ENOX1: variants seen among roughly 807,000 people sequenced by gnomAD.
ENOX1 encodes ecto-NOX disulfide-thiol exchanger 1, also known as candidate growth-related and time keeping constitutive hydroquinone (NADH) oxidase.
Under a neutral mutation model 82.5 loss-of-function variants are expected in ENOX1, and 42 were observed. The ratio of observed to expected loss-of-function variants is 0.51; its 90% confidence interval spans 0.40 to 0.66. The LOEUF (loss-of-function observed/expected upper bound fraction) is 0.66. ENOX1 is among the 30% of genes least tolerant of loss of function. ENOX1 has a pLI of 0.00. For missense variants in ENOX1, 608 were observed against 811.6 expected (o/e 0.75, Z 3.05); for synonymous variants, 271 against 282.2 (o/e 0.96, Z 0.40).
At chr13:43,734,939 T>C (rs935752522) in intron 1 of ENOX1, among the ~76,000 whole-genome samples, 1 of 152,198 alleles carries the variant, frequency 6.6e-6, no homozygotes, top group African/African-American at 2.4e-5. Context: ...ATGCTCAAGA[T>C]ACATCTTTGA....
intron 1 of ENOX1, among the ~76,000 whole-genome samples, chr13:43,775,520 TGGTGATC>T (rs941583740): frequency 4.6e-5 from 7 of 152,164 alleles, no homozygotes; most frequent in Non-Finnish European, 8.8e-5. Flanking sequence ...GTAGACCTGG[TGGTGATC>T]TGCATGGCTA....
At chr13:43,456,851 A>G (rs1002401369) in intron 3 of ENOX1, among the ~76,000 whole-genome samples, 1 of 152,070 alleles carries the variant, frequency 6.6e-6, no homozygotes, top group Non-Finnish European at 1.5e-5. Context: ...TTCCAGTCTC[A>G]TGACTCCTAA....
intron 14 of ENOX1, among the ~76,000 whole-genome samples, chr13:43,243,928 G>A (rs1378976019): frequency 6.6e-6 from 1 of 151,860 alleles, no homozygotes; most frequent in Admixed American, 6.6e-5. Context: ...ATCTCCCAGA[G>A]GCATCTGTTT....
intron 3 of ENOX1, among the ~76,000 whole-genome samples, chr13:43,415,882 A>T (rs78230349): frequency 4.0e-5 from 4 of 100,682 alleles, no homozygotes; most frequent in Non-Finnish European, 8.3e-5. Flanking sequence ...CCGGGCAGAG[A>T]TGCTCCCCAC....
At chr13:43,372,223 T>C (rs768763492) in intron 5 of ENOX1, among the ~76,000 whole-genome samples, 9 of 152,174 alleles carry the variant, frequency 5.9e-5, no homozygotes, top group Non-Finnish European at 8.8e-5. Context: ...GCCATGAGGG[T>C]TCTTGTTAGT....
intron 12 of ENOX1, among the ~76,000 whole-genome samples, chr13:43,277,954 C>T (rs112959929): frequency 2.0e-5 from 3 of 152,070 alleles, no homozygotes; most frequent in African/African-American, 7.2e-5. Flanking sequence ...CAGCAAGTGG[C>T]GGGGCACCAA....
intron 12 of ENOX1, among the ~76,000 whole-genome samples, chr13:43,276,063 C>G (rs1219002963): frequency 6.6e-6 from 1 of 152,134 alleles, no homozygotes; most frequent in East Asian, 1.9e-4. Flanking sequence ...GTGTTTTTTA[C>G]TCTTTTGGTT....
chr13:43,685,512 G>C (rs17652964), intron 1 of ENOX1, among the ~76,000 whole-genome samples: 29,947 of 151,970 alleles, frequency 0.2, 3,047 homozygotes, highest in South Asian at 0.28. Flanking sequence ...CCTGTTCATG[G>C]CTTACATCAT....
chr13:43,404,935 G>A (rs1291163629), intron 5 of ENOX1, among the ~76,000 whole-genome samples: 1 of 152,158 alleles, frequency 6.6e-6, no homozygotes. Flanking sequence ...AAACAAAAGA[G>A]AACTCTGAGC....
chr13:43,225,020 T>G (rs1201182899), intron 15 of ENOX1, among the ~76,000 whole-genome samples: 3 of 152,166 alleles, frequency 2.0e-5, no homozygotes, highest in Non-Finnish European at 2.9e-5. Flanking sequence ...TGGAATCAGC[T>G]CAGGTGCCCA....
At chr13:43,284,328 T>C (rs1037947224) in intron 12 of ENOX1, among the ~76,000 whole-genome samples, 1 of 151,182 alleles carries the variant, frequency 6.6e-6, no homozygotes, top group Non-Finnish European at 1.5e-5. Context: ...AACAAAATCA[T>C]GGCATACCAC....
chr13:43,411,957 C>T lies in ENOX1; in HGVS notation c.167G>A (p.Gly56Asp). The T allele has an allele frequency of 2.5e-6, 4 of 1,614,164 alleles. No homozygotes were observed. Among genetic ancestry groups the T allele is most frequent in the Non-Finnish European group, 3.4e-6 (4 of 1,180,028 alleles). ...TAWATAMNNL[G>D]MVPVGLPGQQ... ...TCCAGGCAACCCTACGGGAACCATG[C>T]CCAGGTTATTCATGGCTGTAGCCCA... Residue 56 changes from glycine (G) to aspartate (D), a missense_variant, in exon 5 of 17, where the codon GGC becomes GAC. Coordinates refer to ENST00000690772, the MANE Select transcript of ENOX1 (RefSeq NM_001347969.2).
At chr13:43,685,630 T>C (rs7491050) in intron 1 of ENOX1, among the ~76,000 whole-genome samples, 82,445 of 151,790 alleles carry the variant, frequency 0.54, 23,026 homozygotes, top group Non-Finnish European at 0.62. Context: ...GGTTTTTTTT[T>C]AAGTTGCCGG....
intron 2 of ENOX1, among the ~76,000 whole-genome samples, chr13:43,514,242 T>C (rs1420092329): frequency 6.6e-6 from 1 of 152,238 alleles, no homozygotes; most frequent in East Asian, 1.9e-4. Context: ...TGAGAGTTTT[T>C]TGTTTTTAGT....
intron 1 of ENOX1, among the ~76,000 whole-genome samples, chr13:43,781,203 T>G (rs1345164521): frequency 6.6e-6 from 1 of 152,218 alleles, no homozygotes; most frequent in Non-Finnish European, 1.5e-5. Context: ...TTCTTCTCCA[T>G]TCTCTAAACT....
At chr13:43,357,007 A>T (rs2050200386) in intron 7 of ENOX1, among the ~76,000 whole-genome samples, 1 of 151,526 alleles carries the variant, frequency 6.6e-6, no homozygotes, top group Non-Finnish European at 1.5e-5. Flanking sequence ...TTATGAGCAG[A>T]AATTTGATCT....
chr13:43,760,860 G>GAA (rs386378983), intron 1 of ENOX1, among the ~76,000 whole-genome samples: 50,256 of 126,888 alleles, frequency 0.4, 11,921 homozygotes, highest in Non-Finnish European at 0.56. Flanking sequence ...CATTAAAGTG[G>GAA]AAAAAAAAAA....
At chr13:43,757,694 C>T (rs1035910910) in intron 1 of ENOX1, among the ~76,000 whole-genome samples, 1 of 152,140 alleles carries the variant, frequency 6.6e-6, no homozygotes, top group Non-Finnish European at 1.5e-5. Flanking sequence ...AGAAACAAAG[C>T]CATTTTACAC....
intron 12 of ENOX1, among the ~76,000 whole-genome samples, chr13:43,279,023 T>C (rs190185385): frequency 6.6e-5 from 10 of 152,218 alleles, no homozygotes; most frequent in South Asian, 2.1e-4. Context: ...GGTGCACAAT[T>C]ATCAGGCAGC....
Sources: gnomAD v4.1 joint callset for allele counts (sites outside exome capture counted in the v4.1 genomes callset) on GRCh38, gnomAD v4.1.1 for gene constraint, MANE v1.5 for transcripts, NCBI Gene and HGNC (gene_info 2026-07-23, HGNC 2026-07-21) for gene names.